Variants in NUP98 observed in about 807,000 individuals in gnomAD.
NUP98 encodes the protein nuclear pore complex protein Nup98-Nup96.
NUP98 carries 26 observed loss-of-function variants against 191.9 expected under a neutral mutation model. The observed-to-expected ratio is 0.14, with a 90% CI of 0.10 to 0.19. The LOEUF (loss-of-function observed/expected upper bound fraction) is 0.19. Among genes scored for constraint, NUP98 ranks in the 10% least tolerant of loss-of-function variants. NUP98 has a pLI of 1.00. For missense variants in NUP98, 1,941 were observed against 2,178.8 expected (o/e 0.89, Z 2.17); for synonymous variants, 808 against 778.4 (o/e 1.04, Z -0.63).
Position 3,705,345 on chromosome 11 carries a change from T to C in NUP98, c.2937A>G (p.Ala979=). 3.1e-6 allele frequency: 5 copies of C among 1,614,126 alleles called. No individual in the cohort carries two copies. Among genetic ancestry groups the C allele is most frequent in the Non-Finnish European group, 4.2e-6 (5 of 1,179,992 alleles). Residue 979 remains alanine (A), a synonymous_variant, in exon 22 of 33, where the codon GCA becomes GCG. Transcript: ENST00000324932. ...INPHVLQIMK[A]SLLTDEEDVD... ...CATCTTCTTCATCAGTAAGCAATGA[T>C]GCTTTCATGATCTAAAAAGGCAATA...
At chr11:3,688,820 CATATATAT>C (rs71041372) in intron 28 of NUP98, among the ~76,000 whole-genome samples, 1 of 136,278 alleles carries the variant, frequency 7.3e-6, no homozygotes, top group Non-Finnish European at 1.5e-5. Context: ...TTTAAATATA[CATATATAT>C]ATATATATAT....
Position 3,788,554 on chromosome 11 carries a change from G to T in NUP98, c.-28-6409C>A, listed in dbSNP as rs146497993. On this transcript the variant is annotated intron_variant, in intron 1 of 32. Coordinates refer to ENST00000324932, the MANE Select transcript of NUP98 (RefSeq NM_016320.5). ...TGCTGTGAGCCCAGATTGCGCCACT[G>T]CACTACAGCCTGGGTGACAAGAGTG... Among the ~76,000 whole-genome samples, 382 of 152,208 alleles carry T rather than the reference G, an allele frequency of 2.5e-3. 2 individuals are homozygous for T. The highest frequency in any genetic ancestry group is 8.9e-3 in the African/African-American group (371 of 41,512).
At chr11:3,709,617 G>C (rs1351234192) in intron 20 of NUP98, among the ~76,000 whole-genome samples, 1 of 151,150 alleles carries the variant, frequency 6.6e-6, no homozygotes, top group Non-Finnish European at 1.5e-5. Flanking sequence ...AGGTGGGAAG[G>C]ATTGCTTGGT....
intron 1 of NUP98, among the ~76,000 whole-genome samples, chr11:3,784,585 C>A (rs11029740): frequency 0.57 from 78,296 of 137,582 alleles, 22,175 homozygotes; most frequent in African/African-American, 0.68. Flanking sequence ...CTATTAAAAA[C>A]AAAAAAAAAA....
chr11:3,764,216 G>C (rs1564900738), intron 8 of NUP98, among the ~76,000 whole-genome samples: 1 of 152,042 alleles, frequency 6.6e-6, no homozygotes, highest in East Asian at 1.9e-4. Context: ...GTGGTCTTTG[G>C]TGACGGGCTT....
intron 1 of NUP98, among the ~76,000 whole-genome samples, chr11:3,789,749 G>A (rs2082272802): frequency 6.6e-6 from 1 of 151,712 alleles, no homozygotes; most frequent in South Asian, 2.1e-4. Flanking sequence ...GGGATTATAG[G>A]TGAGCCCCTG....
At chr11:3,743,791 C>G (rs1385843442) in intron 12 of NUP98, among the ~76,000 whole-genome samples, 1 of 151,646 alleles carries the variant, frequency 6.6e-6, no homozygotes, top group African/African-American at 2.4e-5. Flanking sequence ...TGGTGGCTTA[C>G]ACCTGTAATC....
chr11:3,743,671 G>A (rs1378609548), intron 12 of NUP98, among the ~76,000 whole-genome samples: 1 of 146,702 alleles, frequency 6.8e-6, no homozygotes, highest in African/African-American at 2.5e-5. Flanking sequence ...AAAAAAGTAA[G>A]TTAATTTCCT....
rs144936005 is a variant in NUP98, at chr11:3,746,294, A to AAAG, written c.1268-1646_1268-1645insCTT. ...CAAAAAAAAAAAAAAAAAAAAAAAA[A>AAAG]GACAGCTTTGGGACAAAGAATAAGA... On this transcript the variant is annotated intron_variant, in intron 11 of 32. Transcript: ENST00000324932. Among the ~76,000 whole-genome samples, 452 of 92,870 alleles carry AAAG rather than the reference A, an allele frequency of 4.9e-3. 42 individuals are homozygous for AAAG. Among genetic ancestry groups the AAAG allele is most frequent in the African/African-American group, 0.017 (338 of 19,852 alleles). The allele number at this position is 92,870 out of a possible 152,430, so 60.9% of individuals were successfully genotyped here.
At chr11:3,699,949 A>G (rs1055102914) in intron 24 of NUP98, among the ~76,000 whole-genome samples, 13 of 152,164 alleles carry the variant, frequency 8.5e-5, no homozygotes, top group Admixed American at 7.9e-4. Flanking sequence ...AAACATGGTC[A>G]TGATAGATGA....
chr11:3,771,695 T>A, intron 7 of NUP98, 53 bp downstream of exon 7: 1 of 1,518,392 alleles, frequency 6.6e-7, no homozygotes, highest in South Asian at 1.1e-5. Flanking sequence ...TATGTTTTAG[T>A]TTTAGTTATC....
intron 12 of NUP98, among the ~76,000 whole-genome samples, chr11:3,740,880 G>C (rs1209921926): frequency 6.6e-6 from 1 of 151,318 alleles, no homozygotes; most frequent in Non-Finnish European, 1.5e-5. Context: ...GTGTAGCGGC[G>C]TGACGTCGGC....
rs118023591 is a variant in NUP98 at position 3,676,345 on chromosome 11, G to A, written c.5217C>T (p.Arg1739=). The A allele has an allele frequency of 2.1e-3, 3,395 of 1,614,026 alleles. 8 individuals are homozygous for A. Among genetic ancestry groups the A allele is most frequent in the Non-Finnish European group, 2.6e-3 (3,083 of 1,179,928 alleles). Residue 1739 remains arginine, a synonymous_variant, in exon 33 of 33, where the codon CGC becomes CGT. Coordinates refer to ENST00000324932, the MANE Select transcript of NUP98 (RefSeq NM_016320.5). The part of the protein sequence containing the change: ...DMAKRVANLL[R]VVLSLHHPPD... ...GAGGATGATGCAGACTCAGCACCAC[G>A]CGCAGCAGGTTGGCTACACGTTTGG... is the stretch of plus-strand genomic sequence containing the variant.
At chr11:3,777,376 A>G (rs2081769306) in intron 4 of NUP98, among the ~76,000 whole-genome samples, 1 of 152,204 alleles carries the variant, frequency 6.6e-6, no homozygotes, top group Non-Finnish European at 1.5e-5. Context: ...TAATCCCAGC[A>G]CTTTGGGAGG....
chr11:3,782,780 G>A (rs753181877), intron 1 of NUP98, among the ~76,000 whole-genome samples: 1 of 151,804 alleles, frequency 6.6e-6, no homozygotes, highest in Non-Finnish European at 1.5e-5. Flanking sequence ...ACTCCTGATC[G>A]AGTGATCCAC....
chr11:3,694,244 G>A (rs961262151), intron 26 of NUP98, among the ~76,000 whole-genome samples: 2 of 151,772 alleles, frequency 1.3e-5, no homozygotes, highest in Non-Finnish European at 2.9e-5. Context: ...GGTGGCAGGC[G>A]CCTGTAATCC....
rs1283840629 is a variant in NUP98 at position 3,686,188 on chromosome 11, A to G, written c.4461T>C (p.Tyr1487=). The G allele has an allele frequency of 5.6e-6, 9 of 1,614,134 alleles. No individual in the cohort carries two copies. In the African/African-American group the frequency reaches 1.2e-4, roughly 22 times the overall value. ...HLLKLYSDRH[Y]DLNQLLEPRS... is the part of the protein sequence containing the mutation. ...GAGGCTCCAGCAGCTGGTTGAGATC[A>G]TAATGTCTGCAAAGAACGTGTTGAG... is the stretch of plus-strand genomic sequence containing the variant. The change falls in exon 29 of 33, where the codon TAT becomes TAC. Residue 1487 remains tyrosine (Y), a synonymous_variant. Coordinates refer to ENST00000324932, the MANE Select transcript of NUP98 (RefSeq NM_016320.5).
At chr11:3,775,724 TC>T (rs2081696041) in intron 5 of NUP98, among the ~76,000 whole-genome samples, 157 bp downstream of exon 5, 1 of 152,182 alleles carries the variant, frequency 6.6e-6, no homozygotes, top group South Asian at 2.1e-4. Context: ...TCACAAGTGT[TC>T]CTGTCTACTA....
chr11:3,789,602 A>G (rs1423353033), intron 1 of NUP98, among the ~76,000 whole-genome samples: 1 of 139,888 alleles, frequency 7.1e-6, no homozygotes, highest in Non-Finnish European at 1.5e-5. Context: ...TGCAGCCTGG[A>G]CCTCCTGGGT....
Sources: allele counts gnomAD v4.1 joint callset (sites outside exome capture counted in the v4.1 genomes callset), GRCh38; gene constraint gnomAD v4.1.1; transcripts MANE v1.5; gene names NCBI Gene and HGNC (gene_info 2026-07-23, HGNC 2026-07-21).